Variants in LRBA observed in about 807,000 individuals in gnomAD.
LRBA encodes the protein LPS responsive beige-like anchor protein.
A neutral mutation model predicts 330.0 loss-of-function variants in LRBA; 176 were observed. That is an observed-to-expected ratio of 0.53 (90% confidence interval 0.47 to 0.60). LRBA has a LOEUF of 0.60. LRBA is among the 20% of genes least tolerant of loss of function. The pLI is 0.00. For missense variants in LRBA, 3,259 were observed against 3,444.8 expected, an observed-to-expected ratio of 0.95 and a Z score of 1.35; for synonymous variants, 1,230 against 1,193.0, an observed-to-expected ratio of 1.03 and a Z score of -0.64.
At chr4:150,604,589 A>G (rs1192711256) in intron 37 of LRBA, among the ~76,000 whole-genome samples, 1 of 152,130 alleles carries the variant, frequency 6.6e-6, no homozygotes, top group Non-Finnish European at 1.5e-5. Flanking sequence ...TGTCATGGAA[A>G]AGGCAGATGC....
rs542856710 is a variant in LRBA at position 150,333,045 on chromosome 4, G to T, written c.7363-7147C>A. Among the ~76,000 whole-genome samples, 3 of 152,130 alleles carry T rather than the reference G, an allele frequency of 2.0e-5. No individual in the cohort carries two copies. In the South Asian group the frequency reaches 6.2e-4, roughly 32 times the overall value. Reference sequence around the variant, plus strand: ...AGAGAGAATATACATACACATACTAGACAGAATGAAAGGAAGAAAGAAATA... The same window carrying T: ...AGAGAGAATATACATACACATACTATACAGAATGAAAGGAAGAAAGAAATA... On this transcript the variant is annotated intron_variant, in intron 48 of 56. Coordinates refer to ENST00000651943, the MANE Select transcript of LRBA (RefSeq NM_001364905.1).
At chr4:150,431,637 T>G (rs142426110) in intron 46 of LRBA, among the ~76,000 whole-genome samples, 265 of 152,322 alleles carry the variant, frequency 1.7e-3, no homozygotes, top group African/African-American at 6.1e-3. Flanking sequence ...ACGGTTAAGA[T>G]AAATTATTAA....
At chr4:150,337,940 G>A (rs532930191) in intron 48 of LRBA, among the ~76,000 whole-genome samples, 12 of 152,226 alleles carry the variant, frequency 7.9e-5, no homozygotes, top group Non-Finnish European at 1.6e-4. Flanking sequence ...AGCAGTGTTG[G>A]AGCTGCTGAC....
chr4:150,563,066 G>T (rs1768587583), intron 40 of LRBA, among the ~76,000 whole-genome samples: 1 of 151,880 alleles, frequency 6.6e-6, no homozygotes, highest in African/African-American at 2.4e-5. Context: ...AAAAGTGCTG[G>T]GATTACAGAA....
intron 47 of LRBA, among the ~76,000 whole-genome samples, chr4:150,384,238 G>A (rs950235027): frequency 4.0e-5 from 6 of 151,712 alleles, no homozygotes; most frequent in Admixed American, 2.6e-4. Flanking sequence ...GGGTTCCTCC[G>A]TGTTGGTTGG....
At chr4:150,585,496 C>A (rs1460877285) in intron 40 of LRBA, among the ~76,000 whole-genome samples, 1 of 152,148 alleles carries the variant, frequency 6.6e-6, no homozygotes, top group Non-Finnish European at 1.5e-5. Flanking sequence ...AACCAATATA[C>A]TCATTTCAAT....
chr4:150,299,604 T>C (rs1257833875), intron 53 of LRBA, among the ~76,000 whole-genome samples: 1 of 151,984 alleles, frequency 6.6e-6, no homozygotes, highest in Non-Finnish European at 1.5e-5. Flanking sequence ...TTTTAAAACT[T>C]TGTCATACAG....
At chr4:150,357,468 A>T (rs1322249182) in intron 47 of LRBA, among the ~76,000 whole-genome samples, 1 of 152,030 alleles carries the variant, frequency 6.6e-6, no homozygotes, top group Admixed American at 6.6e-5. Flanking sequence ...GATGATTTTT[A>T]AAAAATGTTT....
chr4:150,593,499 G>C (rs1192977545), intron 38 of LRBA, among the ~76,000 whole-genome samples: 1 of 151,998 alleles, frequency 6.6e-6, no homozygotes, highest in East Asian at 1.9e-4. Flanking sequence ...CCAGAAGCTG[G>C]GCTCTTAACC....
intron 56 of LRBA, among the ~76,000 whole-genome samples, chr4:150,276,205 G>C (rs1455561311): frequency 6.6e-6 from 1 of 152,190 alleles, no homozygotes; most frequent in Non-Finnish European, 1.5e-5. Flanking sequence ...ATTAGTAAAT[G>C]GTGTTGGGAA....
At chr4:150,915,792 G>C (rs1392092916) in intron 7 of LRBA, 65 bp from the exon 8 acceptor site, 7 of 1,281,564 alleles carry the variant, frequency 5.5e-6, no homozygotes, top group Admixed American at 2.6e-5. Flanking sequence ...CAACCATACT[G>C]ATGAGTAAAA....
rs755987682 is a variant in LRBA, at chr4:150,897,806, G to A, written c.1937C>T (p.Pro646Leu). ...ITPKGLDGPR[P>L]NQKEMLSLRA... The stretch of plus-strand genomic sequence containing the variant: ...TAGAGAAAGCATTTCTTTTTGATTA[G>A]GTCGCGGTCCATCTTTTAAAAAAAT... Residue 646 changes from proline to leucine, a missense_variant, in exon 15 of 57, where the codon CCT becomes CTT. Physicochemically the swap from Pro to Leu is moderately conservative, Grantham distance 98. Transcript: ENST00000651943. 1 of 1,610,784 alleles carries A rather than the reference G, an allele frequency of 6.2e-7. No individual in the cohort carries two copies. Among genetic ancestry groups the A allele is most frequent in the South Asian group, 1.1e-5 (1 of 90,848 alleles).
Position 151,014,807 on chromosome 4 carries a change from T to C in LRBA, c.-165A>G, listed in dbSNP as rs1745247342. 1.7e-6 allele frequency: 1 copy of C among 578,374 alleles called. No homozygotes were observed. Among genetic ancestry groups the C allele is most frequent in the African/African-American group, 1.9e-5 (1 of 53,834 alleles). 35.8% of individuals were successfully genotyped at this position (578,374 alleles called of 1,614,324 possible). A position where few individuals can be genotyped will look rare whatever the true frequency, so the allele number is the denominator to read the frequency against. On this transcript the variant is annotated 5_prime_UTR_variant, in exon 2 of 57. Coordinates refer to ENST00000651943, the MANE Select transcript of LRBA (RefSeq NM_001364905.1). Reference sequence around the variant, plus strand: ...AAAGTCCTTGGCGTCGCCCTCCTCCTCTTGGAGAATATTTGTCCAATCTCT... The same window carrying C: ...AAAGTCCTTGGCGTCGCCCTCCTCCCCTTGGAGAATATTTGTCCAATCTCT...
chr4:150,806,356 A>T lies in LRBA; in HGVS notation c.5433T>A (p.Leu1811=). ...EHALEKAAPL[L]REIFVDFAPF... is the part of the protein sequence containing the mutation. ...GTGCAAAATCCACAAAAATCTCACG[A>T]AGGAGAGGAGCTGCCTTTTCCAAAG... Residue 1811 remains leucine, a synonymous_variant, in exon 33 of 57, where the codon CTT becomes CTA. Transcript: ENST00000651943. 3 of 1,611,182 alleles carry T rather than the reference A, an allele frequency of 1.9e-6. No homozygotes were observed. The highest frequency in any genetic ancestry group is 2.5e-6 in the Non-Finnish European group (3 of 1,178,688).
At chr4:150,481,087 C>G (rs1377426026) in intron 42 of LRBA, among the ~76,000 whole-genome samples, 1 of 152,172 alleles carries the variant, frequency 6.6e-6, no homozygotes, top group Non-Finnish European at 1.5e-5. Flanking sequence ...TGAGAACACG[C>G]AGTGTTTAAC....
At chr4:150,582,965 C>G in intron 40 of LRBA, 1 of 1,516,878 alleles carries the variant, frequency 6.6e-7, no homozygotes, top group Admixed American at 2.2e-5. Context: ...ACCACCAGTG[C>G]GTGAGCCTTG....
intron 12 of LRBA, 73 bp from the exon 13 acceptor site, chr4:150,906,063 G>T: frequency 7.5e-7 from 1 of 1,325,358 alleles, no homozygotes; most frequent in South Asian, 1.3e-5. Flanking sequence ...GTCCCTACCA[G>T]GAAAAAAACT....
intron 47 of LRBA, among the ~76,000 whole-genome samples, chr4:150,401,352 T>G (rs1254821845): frequency 1.3e-5 from 2 of 152,248 alleles, no homozygotes; most frequent in Non-Finnish European, 2.9e-5. Flanking sequence ...AAACTGTGAC[T>G]TTAAGTAAAA....
rs1008771658 is a variant in LRBA, at chr4:150,270,675, G to A, written c.8469-4863C>T. On this transcript the variant is annotated intron_variant, in intron 56 of 56. Coordinates refer to ENST00000651943, the MANE Select transcript of LRBA (RefSeq NM_001364905.1). ...AGAGTTTAGATGGAAAATATTATATGTTGCCACAATTTTTTTTAAAAGGAA... is the reference window on the plus strand; with the variant it reads ...AGAGTTTAGATGGAAAATATTATATATTGCCACAATTTTTTTTAAAAGGAA... Among the ~76,000 whole-genome samples the A allele has an allele frequency of 2.0e-4, 31 of 152,232 alleles. 1 individual carries two copies. The highest frequency in any genetic ancestry group is 2.0e-3 in the Admixed American group (30 of 15,298).
Sources: allele counts gnomAD v4.1 joint callset (sites outside exome capture counted in the v4.1 genomes callset), GRCh38; gene constraint gnomAD v4.1.1; transcripts MANE v1.5; gene names NCBI Gene and HGNC (gene_info 2026-07-23, HGNC 2026-07-21).